The following DPP8 variants were observed in gnomAD, a reference collection of about 807,000 sequenced individuals.
DPP8 encodes the protein dipeptidyl peptidase 8, also known as DPP VIII.
DPP8 carries 31 observed loss-of-function variants against 107.5 expected under a neutral mutation model. The observed-to-expected ratio is 0.29, with a 90% CI of 0.22 to 0.39. The LOEUF (loss-of-function observed/expected upper bound fraction) is 0.39. Among genes scored for constraint, DPP8 ranks in the 10% least tolerant of loss-of-function variants. The pLI, the probability that DPP8 is intolerant of heterozygous loss-of-function variation, is 1.00. For synonymous variants in DPP8, 381 were observed against 356.6 expected (o/e 1.07, Z -0.77); for missense variants, 842 against 1,076.1 (o/e 0.78, Z 3.04).
chr15:65,496,023 G>A (rs929711163), intron 5 of DPP8, among the ~76,000 whole-genome samples: 1 of 148,794 alleles, frequency 6.7e-6, no homozygotes, highest in East Asian at 2.0e-4. Flanking sequence ...TCCCTCTGTC[G>A]CCCAGGCTGG....
chr15:65,456,003 T>C (rs1174997004), intron 16 of DPP8, among the ~76,000 whole-genome samples: 2 of 152,146 alleles, frequency 1.3e-5, no homozygotes, highest in Admixed American at 1.3e-4. Context: ...ACAGAGAGGA[T>C]ATTTCTATGT....
intron 15 of DPP8, among the ~76,000 whole-genome samples, chr15:65,460,271 G>A (rs979533374): frequency 6.6e-6 from 1 of 151,760 alleles, no homozygotes; most frequent in African/African-American, 2.4e-5. Flanking sequence ...GTGAAACCCT[G>A]TCTCTACTAA....
chr15:65,476,470 A>AG (rs2066400494), intron 11 of DPP8, among the ~76,000 whole-genome samples: 1 of 152,210 alleles, frequency 6.6e-6, no homozygotes, highest in African/African-American at 2.4e-5. Context: ...TTGGAGCAAG[A>AG]AAGACTAAGA....
intron 12 of DPP8, among the ~76,000 whole-genome samples, chr15:65,468,863 C>T (rs2065593484): frequency 6.6e-6 from 1 of 152,168 alleles, no homozygotes; most frequent in African/African-American, 2.4e-5. Flanking sequence ...TTTCCTGTAA[C>T]TACTTAACAT....
chr15:65,447,117 C>G, intron 19 of DPP8, 111 bp from the exon 20 acceptor site: 1 of 735,840 alleles, frequency 1.4e-6, no homozygotes, highest in Non-Finnish European at 2.1e-6. Flanking sequence ...GAAGCACAGC[C>G]TCTATGCAAT....
In DPP8 at chr15:65,455,603, G is replaced by A. The variant is rs116241715; in HGVS notation, c.2118+622C>T. 9.1e-5 allele frequency: 100 copies of A among 1,093,566 alleles called. 1 individual carries two copies. The African/African-American group carries it at 1.5e-3, about 17-fold the overall frequency. The allele number at this position is 1,093,566 out of a possible 1,614,324, so 67.7% of individuals were successfully genotyped here. A position where few individuals can be genotyped will look rare whatever the true frequency, so the allele number is the denominator to read the frequency against. ...TATATTACTAGGCCTGCCAGTGCAC[G>A]CAATCTCACTTCACTGAGCCAAAAA... is the stretch of plus-strand genomic sequence containing the variant. On this transcript the variant is annotated intron_variant, in intron 16 of 19. Coordinates refer to ENST00000300141, the MANE Select transcript of DPP8 (RefSeq NM_130434.5).
rs932351776 is a variant in DPP8 at position 65,445,825 on chromosome 15, T to G, written c.*1059A>C. The G allele has an allele frequency of 3.9e-5, 6 of 152,272 alleles. No individual in the cohort carries two copies. Among genetic ancestry groups the G allele is most frequent in the African/African-American group, 1.2e-4 (5 of 41,448 alleles). The allele number at this position is 152,272 out of a possible 1,614,324, so 9.4% of individuals were successfully genotyped here. Reference sequence around the variant, plus strand: ...ATTCTGGTTTCCTTAATATTACAGTTGTTTAAATTTCAGTTTCCAAACATT... The same window carrying G: ...ATTCTGGTTTCCTTAATATTACAGTGGTTTAAATTTCAGTTTCCAAACATT... On this transcript the variant is annotated 3_prime_UTR_variant, in exon 20 of 20. Transcript: ENST00000300141.
At chr15:65,451,531 C>G (rs2063974989) in intron 18 of DPP8, among the ~76,000 whole-genome samples, 1 of 152,128 alleles carries the variant, frequency 6.6e-6, no homozygotes, top group Non-Finnish European at 1.5e-5. Context: ...CCATGCTATT[C>G]TAGTATAACA....
chr15:65,504,667 CAA>C (rs371246881), intron 3 of DPP8, among the ~76,000 whole-genome samples: 2 of 108,880 alleles, frequency 1.8e-5, no homozygotes, highest in Admixed American at 1.0e-4. Context: ...GATTCCGTCT[CAA>C]AAAAAAAAAA....
intron 15 of DPP8, among the ~76,000 whole-genome samples, chr15:65,461,756 A>T (rs2140437561): frequency 6.6e-6 from 1 of 152,048 alleles, no homozygotes; most frequent in African/African-American, 2.4e-5. Context: ...GGCACTTGCC[A>T]CCACTGGCTA....
At chr15:65,503,523 C>A (rs1374701625) in intron 3 of DPP8, among the ~76,000 whole-genome samples, 2 of 152,304 alleles carry the variant, frequency 1.3e-5, no homozygotes, top group South Asian at 2.1e-4. Context: ...TCACTGCAAC[C>A]TCTGCCTCCC....
intron 17 of DPP8, 82 bp from the exon 18 acceptor site, chr15:65,452,184 C>G: frequency 6.8e-7 from 1 of 1,479,364 alleles, no homozygotes; most frequent in Non-Finnish European, 9.1e-7. Flanking sequence ...TGCAAATTTA[C>G]AGTCTAAAAT....
chr15:65,501,155 G>A (rs1478950594), intron 3 of DPP8, among the ~76,000 whole-genome samples: 1 of 152,040 alleles, frequency 6.6e-6, no homozygotes, highest in Non-Finnish European at 1.5e-5. Flanking sequence ...GGGATTACAG[G>A]CGTGAGACAC....
intron 3 of DPP8, among the ~76,000 whole-genome samples, chr15:65,505,021 G>C (rs1314235744): frequency 6.6e-6 from 1 of 152,028 alleles, no homozygotes; most frequent in East Asian, 1.9e-4. Context: ...GATACATACT[G>C]ATATATTTCA....
rs1370231212 is a variant in DPP8, at chr15:65,467,080, G to A, written c.1680C>T (p.Cys560=). The change falls in exon 13 of 20, where the codon TGC becomes TGT. Residue 560 remains cysteine, a synonymous_variant. Transcript: ENST00000300141. ...TAAACAAACTTAATACCTGACTGAT[G>A]CAGCAAGAATGTGAGTAGCCACGGT... The part of the protein sequence containing the change: ...LTDRGYSHSC[C]ISQHCDFFIS... 6.2e-7 allele frequency: 1 copy of A among 1,614,004 alleles called. No individual in the cohort carries two copies. Among genetic ancestry groups the A allele is most frequent in the African/African-American group, 1.3e-5 (1 of 74,920 alleles).
chr15:65,471,644 A>G (rs961609676), intron 12 of DPP8, among the ~76,000 whole-genome samples: 4 of 150,734 alleles, frequency 2.7e-5, no homozygotes, highest in African/African-American at 9.8e-5. Context: ...GCCCCACCAC[A>G]CCTGCCTAAT....
intron 4 of DPP8, among the ~76,000 whole-genome samples, chr15:65,499,342 C>T (rs1379312593): frequency 2.6e-5 from 4 of 151,878 alleles, no homozygotes; most frequent in South Asian, 2.1e-4. Flanking sequence ...AAGCAATTCT[C>T]GTGCTTCAGC....
At chr15:65,512,133 C>T (rs774597065) in intron 2 of DPP8, 162 bp downstream of exon 2, 11 of 760,304 alleles carry the variant, frequency 1.4e-5, no homozygotes, top group South Asian at 1.4e-4. Context: ...AAAGTTAATG[C>T]GATACAACAA....
At chr15:65,485,027 A>G (rs1430776251) in intron 8 of DPP8, 72 bp downstream of exon 8, 1 of 1,218,900 alleles carries the variant, frequency 8.2e-7, no homozygotes, top group African/African-American at 1.5e-5. Context: ...AAAAAAGTGT[A>G]TCAAAGAACC....
Sources: allele counts gnomAD v4.1 joint callset (sites outside exome capture counted in the v4.1 genomes callset), GRCh38; gene constraint gnomAD v4.1.1; transcripts MANE v1.5; gene names NCBI Gene and HGNC (gene_info 2026-07-23, HGNC 2026-07-21).